The following HORMAD2 variants were observed in gnomAD, a reference collection of about 807,000 sequenced individuals.
HORMAD2 encodes the protein HORMA domain-containing protein 2.
HORMAD2 carries 45 observed loss-of-function variants against 38.8 expected under a neutral mutation model. The observed-to-expected ratio is 1.16, with a 90% CI of 0.91 to 1.49. The LOEUF (loss-of-function observed/expected upper bound fraction) is 1.49, where lower values mean the gene tolerates loss of function less well. HORMAD2 is among the 40% of genes most tolerant of loss of function. HORMAD2 has a pLI of 0.00. For missense variants in HORMAD2, 338 were observed against 367.0 expected (o/e 0.92, Z 0.65); for synonymous variants, 126 against 122.8 (o/e 1.03, Z -0.17).
At chr22:30,163,785 G>T (rs535167804) in intron 10 of HORMAD2, among the ~76,000 whole-genome samples, 7 of 152,062 alleles carry the variant, frequency 4.6e-5, no homozygotes, top group African/African-American at 1.7e-4. Flanking sequence ...TGTTATTGTG[G>T]TAAAATATAC....
the HORMAD2 span, among the ~76,000 whole-genome samples, chr22:30,194,940 C>A: frequency 6.6e-6 from 1 of 152,040 alleles, no homozygotes; most frequent in Non-Finnish European, 1.5e-5. Context: ...CGCCTGTAAT[C>A]CCAGCACTTT....
chr22:30,154,049 T>C (rs1924920541), intron 10 of HORMAD2, among the ~76,000 whole-genome samples: 1 of 152,198 alleles, frequency 6.6e-6, no homozygotes, highest in African/African-American at 2.4e-5. Context: ...TTTAAGGCCA[T>C]ACCTGATCTG....
chr22:30,181,014 A>ACCCTT (rs1324618963), downstream of HORMAD2, among the ~76,000 whole-genome samples: 5 of 116,610 alleles, frequency 4.3e-5, no homozygotes, highest in Non-Finnish European at 6.9e-5. Context: ...ACCCTACCCT[A>ACCCTT]CCCTACCCTC....
intron 10 of HORMAD2, among the ~76,000 whole-genome samples, chr22:30,141,617 C>T (rs1188750396): frequency 1.4e-5 from 2 of 141,208 alleles, no homozygotes; most frequent in Non-Finnish European, 3.1e-5. Context: ...TTTTTTGAGA[C>T]GGAGTCTTGC....
At chr22:30,197,102 A>G in the HORMAD2 span, among the ~76,000 whole-genome samples, 7 of 151,862 alleles carry the variant, frequency 4.6e-5, no homozygotes, top group Non-Finnish European at 8.8e-5. Context: ...CTTAGGACCA[A>G]AGTTTTTGGG....
intron 10 of HORMAD2, among the ~76,000 whole-genome samples, chr22:30,141,015 A>G (rs1028270189): frequency 6.6e-6 from 1 of 151,658 alleles, no homozygotes; most frequent in Non-Finnish European, 1.5e-5. Flanking sequence ...TTTTTTTGAC[A>G]CAGTATCTCT....
At chr22:30,174,739 A>C (rs1187007657) in intron 10 of HORMAD2, among the ~76,000 whole-genome samples, 1 of 152,178 alleles carries the variant, frequency 6.6e-6, no homozygotes, top group Non-Finnish European at 1.5e-5. Flanking sequence ...GCCAAGCAAC[A>C]AGCTAACTTT....
At chr22:30,096,311 A>G (rs4823071) in intron 2 of HORMAD2, among the ~76,000 whole-genome samples, 23,891 of 152,100 alleles carry the variant, frequency 0.16, 4,076 homozygotes, top group African/African-American at 0.42. Flanking sequence ...AGTAAAATAT[A>G]AGTCATAGGA....
chr22:30,109,273 C>T (rs775964838), intron 5 of HORMAD2, among the ~76,000 whole-genome samples: 1 of 152,096 alleles, frequency 6.6e-6, no homozygotes, highest in Non-Finnish European at 1.5e-5. Context: ...ATCCTCCGGC[C>T]TCAGACTCCC....
intron 10 of HORMAD2, among the ~76,000 whole-genome samples, chr22:30,175,418 G>A (rs1408149872): frequency 6.7e-6 from 1 of 148,506 alleles, no homozygotes; most frequent in Admixed American, 6.8e-5. Context: ...ATATATAAAT[G>A]TCCTCTATCT....
chr22:30,151,304 A>C (rs965463061), intron 10 of HORMAD2, among the ~76,000 whole-genome samples: 1 of 152,226 alleles, frequency 6.6e-6, no homozygotes, highest in Non-Finnish European at 1.5e-5. Context: ...TGGAGGAAAC[A>C]AAATAAATGT....
chr22:30,172,481 T>C (rs769586862), intron 10 of HORMAD2, among the ~76,000 whole-genome samples: 17 of 152,234 alleles, frequency 1.1e-4, no homozygotes, highest in Middle Eastern at 3.2e-3. Flanking sequence ...AGATATGTTT[T>C]TAGTGCCCAG....
At chr22:30,136,940 C>T in intron 10 of HORMAD2, 1 of 533,120 alleles carries the variant, frequency 1.9e-6, no homozygotes, top group Non-Finnish European at 3.4e-6. Flanking sequence ...TTGTCTGCAC[C>T]TCTTGGGTCA....
chr22:30,203,581 A>G, the HORMAD2 span, among the ~76,000 whole-genome samples: 38,472 of 151,990 alleles, frequency 0.25, 5,857 homozygotes, highest in Middle Eastern at 0.4. Flanking sequence ...GTACACATAC[A>G]ACAGCACACA....
intron 7 of HORMAD2, among the ~76,000 whole-genome samples, chr22:30,115,423 T>C (rs1350495775): frequency 1.3e-5 from 2 of 152,220 alleles, no homozygotes; most frequent in Non-Finnish European, 2.9e-5. Context: ...TCACCTTTAA[T>C]AGATTGCCTC....
At chr22:30,150,343 G>T (rs1924673401) in intron 10 of HORMAD2, among the ~76,000 whole-genome samples, 1 of 151,998 alleles carries the variant, frequency 6.6e-6, no homozygotes, top group Non-Finnish European at 1.5e-5. Flanking sequence ...GCTTGTTGTT[G>T]TTCTCTGAAC....
At chr22:30,187,564 G>A in the HORMAD2 span, among the ~76,000 whole-genome samples, 706 of 150,506 alleles carry the variant, frequency 4.7e-3, 8 homozygotes, top group African/African-American at 0.016. Context: ...AATTAACTAT[G>A]CTTTGTGAAT....
downstream of HORMAD2, among the ~76,000 whole-genome samples, chr22:30,177,531 G>T (rs1441681550): frequency 1.3e-5 from 2 of 152,142 alleles, no homozygotes; most frequent in African/African-American, 4.8e-5. Flanking sequence ...ACTGAAAGAA[G>T]GAGGGGAAAG....
chr22:30,103,551 C>A, intron 4 of HORMAD2, 51 bp downstream of exon 4: 1 of 881,874 alleles, frequency 1.1e-6, no homozygotes, highest in Non-Finnish European at 1.8e-6. Flanking sequence ...TTTATCATGG[C>A]TGAAATTACC....
Sources: allele counts gnomAD v4.1 joint callset (sites outside exome capture counted in the v4.1 genomes callset), GRCh38; gene constraint gnomAD v4.1.1; transcripts MANE v1.5; gene names NCBI Gene and HGNC (gene_info 2026-07-23, HGNC 2026-07-21).